The following NFASC variants were observed in gnomAD, a reference collection of about 807,000 sequenced individuals.
The protein encoded by NFASC is neurofascin, also known as neurofascin homolog.
A neutral mutation model predicts 147.5 loss-of-function variants in NFASC; 43 were observed. The observed-to-expected ratio is 0.29, with a 90% CI of 0.23 to 0.38. NFASC has a LOEUF of 0.38. Among genes scored for constraint, NFASC ranks in the 10% least tolerant of loss-of-function variants. NFASC has a pLI of 1.00. For missense variants in NFASC, 1,320 were observed against 1,689.0 expected, an observed-to-expected ratio of 0.78 and a Z score of 3.83; for synonymous variants, 622 against 665.5, an observed-to-expected ratio of 0.93 and a Z score of 1.01.
chr1:204,978,070 C>G (rs553332047), intron 17 of NFASC, among the ~76,000 whole-genome samples: 4 of 152,342 alleles, frequency 2.6e-5, no homozygotes, highest in South Asian at 4.1e-4. Flanking sequence ...TTCACATCAC[C>G]TGGAAACTCA....
rs542297241 is a variant in NFASC, at chr1:204,986,012, C to T, written c.2471-1406C>T. The T allele has an allele frequency of 1.6e-5, 26 of 1,613,866 alleles. No homozygotes were observed. The highest frequency in any genetic ancestry group is 6.7e-5 in the Admixed American group (4 of 60,030). ...TGACCGCCTCCGTGGCGTGGTGTCC[C>T]GCCTCTTCCCCTACAGTAACTACAA... On this transcript the variant is annotated intron_variant, in intron 21 of 29. Transcript: ENST00000339876. This position sits in a 1 kb window ranked among gnomAD's most constrained non-coding sequence, Gnocchi z 4.2.
intron 27 of NFASC, among the ~76,000 whole-genome samples, chr1:205,003,519 G>T (rs889585415): frequency 1.3e-5 from 2 of 152,174 alleles, no homozygotes; most frequent in African/African-American, 4.8e-5. Flanking sequence ...GCACTCCCTG[G>T]TCTGAGTGAG....
chr1:204,993,961 T>C (rs2095796095), intron 24 of NFASC, among the ~76,000 whole-genome samples: 1 of 152,186 alleles, frequency 6.6e-6, no homozygotes, highest in Non-Finnish European at 1.5e-5. Context: ...CCCTGACAGC[T>C]CACTGCCTGA....
chr1:204,939,527 C>G (rs572980091), intron 2 of NFASC, among the ~76,000 whole-genome samples: 12 of 152,212 alleles, frequency 7.9e-5, no homozygotes, highest in East Asian at 1.9e-4. Context: ...CAACCTACCC[C>G]CTCTCCTCTA....
intron 1 of NFASC, among the ~76,000 whole-genome samples, chr1:204,836,994 G>A (rs1378176768): frequency 6.6e-6 from 1 of 152,264 alleles, no homozygotes; most frequent in African/African-American, 2.4e-5. Context: ...AAAAATGTTA[G>A]AAATGTTTTA....
intron 15 of NFASC, 87 bp from the exon 16 acceptor site, chr1:204,976,584 C>G (rs1574028912): frequency 9.9e-7 from 1 of 1,007,296 alleles, no homozygotes; most frequent in South Asian, 1.6e-5. Flanking sequence ...CCTCCTGACT[C>G]GAGAACCCCC....
intron 2 of NFASC, among the ~76,000 whole-genome samples, chr1:204,926,400 ATATATATTTTTTTTTTTTTTTTT>A (rs2091556050): frequency 3.4e-5 from 1 of 29,602 alleles, no homozygotes; most frequent in Admixed American, 3.9e-4. Context: ...ATATATATAT[ATATATATTTTTTTTTTTTTTTTT>A]TTTTTTTTTT....
intron 1 of NFASC, among the ~76,000 whole-genome samples, chr1:204,897,751 G>A (rs531456254): frequency 7.0e-6 from 1 of 143,532 alleles, no homozygotes; most frequent in East Asian, 2.1e-4. Context: ...TTTTTTTTTG[G>A]GGGGGGCAGA....
intron 1 of NFASC, among the ~76,000 whole-genome samples, chr1:204,911,843 A>G (rs2087593274): frequency 6.6e-6 from 1 of 152,066 alleles, no homozygotes; most frequent in East Asian, 1.9e-4. Context: ...ACATATTGGG[A>G]AATGTGGCAG....
At chr1:204,933,273 G>A (rs964784135) in intron 2 of NFASC, among the ~76,000 whole-genome samples, 1 of 152,220 alleles carries the variant, frequency 6.6e-6, no homozygotes, top group Non-Finnish European at 1.5e-5. Context: ...AGACATGTAT[G>A]TGAAAGGTGA....
At chr1:204,956,514 G>T (rs1328726189) in intron 7 of NFASC, among the ~76,000 whole-genome samples, 1 of 152,178 alleles carries the variant, frequency 6.6e-6, no homozygotes, top group African/African-American at 2.4e-5. Flanking sequence ...GGACCCCCTA[G>T]AATGCACTGG....
chr1:204,951,627 C>G (rs1273449620), intron 4 of NFASC, among the ~76,000 whole-genome samples: 1 of 151,958 alleles, frequency 6.6e-6, no homozygotes, highest in Admixed American at 6.6e-5. Flanking sequence ...CTCCACCACG[C>G]CCGGCTAATT....
Position 205,002,560 on chromosome 1 carries a change from C to G in NFASC, c.3137-36C>G, listed in dbSNP as rs2096012717. The G allele has an allele frequency of 4.3e-6, 6 of 1,405,542 alleles. 1 individual carries two copies. Among genetic ancestry groups the G allele is most frequent in the Non-Finnish European group, 5.7e-6 (6 of 1,060,938 alleles). The allele number at this position is 1,405,542 out of a possible 1,614,324, so 87.1% of individuals were successfully genotyped here. On this transcript the variant is annotated intron_variant, in intron 26 of 29. Transcript: ENST00000339876. Reference sequence around the variant, plus strand: ...AGCACTGGCTCTCCAGCTCCTGGTGCCTGGCTCTAGGCTGATTGAGGTTTC... The same window carrying G: ...AGCACTGGCTCTCCAGCTCCTGGTGGCTGGCTCTAGGCTGATTGAGGTTTC...
At position 204,943,704 on chromosome 1, in the gene NFASC, G is replaced by A. The variant is rs370796852; in HGVS notation, c.-90-522G>A. Among the ~76,000 whole-genome samples the A allele has an allele frequency of 7.9e-5, 12 of 152,260 alleles. No individual in the cohort carries two copies. The South Asian group carries it at 2.3e-3, about 29-fold the overall frequency. ...AGGACATCAGTGCGATCTCATCTCTGTGCCTCTACCGCAAATATGCTCAAC... is the reference window on the plus strand; with the variant it reads ...AGGACATCAGTGCGATCTCATCTCTATGCCTCTACCGCAAATATGCTCAAC... On this transcript the variant is annotated intron_variant, in intron 2 of 29. Transcript: ENST00000339876.
intron 1 of NFASC, among the ~76,000 whole-genome samples, chr1:204,911,675 CT>C (rs1450958178): frequency 2.0e-5 from 3 of 152,146 alleles, no homozygotes; most frequent in Admixed American, 6.5e-5. Context: ...AGTGTTTCCC[CT>C]CTTCTATAAA....
intron 1 of NFASC, among the ~76,000 whole-genome samples, chr1:204,869,454 T>C (rs1053007907): frequency 6.6e-6 from 1 of 152,248 alleles, no homozygotes; most frequent in Admixed American, 6.5e-5. Flanking sequence ...TTATAATCTG[T>C]TTTTTACTCA....
chr1:204,971,555 G>A lies in NFASC; in HGVS notation c.1135+808G>A, dbSNP rs60644756. Among the ~76,000 whole-genome samples the A allele has an allele frequency of 9.3e-3, 1,417 of 152,282 alleles. 11 individuals carry two copies. The highest frequency in any genetic ancestry group is 0.033 in the African/African-American group (1,354 of 41,552). ...TGGAGAGGGGGGGACACAGGTAGAGGAGAGGGTAAGAATTTACCTATTTAG... is the reference window on the plus strand; with the variant it reads ...TGGAGAGGGGGGGACACAGGTAGAGAAGAGGGTAAGAATTTACCTATTTAG... On this transcript the variant is annotated intron_variant, in intron 11 of 29. Transcript: ENST00000339876.
chr1:204,889,451 G>T (rs375954571), intron 1 of NFASC, among the ~76,000 whole-genome samples: 2 of 152,192 alleles, frequency 1.3e-5, no homozygotes, highest in African/African-American at 2.4e-5. Flanking sequence ...GCTTCATTAC[G>T]CAGGTTAACA....
chr1:204,908,436 AT>A (rs2086507169), intron 1 of NFASC, among the ~76,000 whole-genome samples: 1 of 152,210 alleles, frequency 6.6e-6, no homozygotes, highest in Admixed American at 6.5e-5. Context: ...AAGATATATT[AT>A]GATTATTTAC....
Sources: allele counts gnomAD v4.1 joint callset (sites outside exome capture counted in the v4.1 genomes callset), GRCh38; gene constraint gnomAD v4.1.1; non-coding constraint Gnocchi (gnomAD v3.1); transcripts MANE v1.5; gene names NCBI Gene and HGNC (gene_info 2026-07-23, HGNC 2026-07-21).